The following KRIT1 variants were observed in gnomAD, a reference collection of about 807,000 sequenced individuals.
KRIT1 encodes the protein KRIT1 ankyrin repeat containing.
KRIT1 carries 45 observed loss-of-function variants against 95.8 expected under a neutral mutation model. The ratio of observed to expected loss-of-function variants is 0.47; its 90% confidence interval spans 0.37 to 0.60. KRIT1 has a LOEUF of 0.60. Ranked by LOEUF, KRIT1 falls within the 20% of genes least tolerant of loss-of-function variation. The pLI is 0.00. For synonymous variants in KRIT1, 282 were observed against 278.8 expected (o/e 1.01, Z -0.11); for missense variants, 788 against 877.5 (o/e 0.90, Z 1.29).
intron 3 of KRIT1, among the ~76,000 whole-genome samples, chr7:92,243,314 A>T (rs781413098): frequency 6.6e-6 from 1 of 152,164 alleles, no homozygotes; most frequent in Non-Finnish European, 1.5e-5. Context: ...ACTAAAGTGC[A>T]TCTTTCTGTA....
rs1276453120 is a variant in KRIT1, at chr7:92,199,581, T to C, written c.*1155A>G. 1.3e-5 allele frequency: 2 copies of C among 152,178 alleles called. No individual in the cohort carries two copies. Among genetic ancestry groups the C allele is most frequent in the Admixed American group, 6.5e-5 (1 of 15,282 alleles). The allele number at this position is 152,178 out of a possible 1,614,324, so 9.4% of individuals were successfully genotyped here. A position where few individuals can be genotyped will look rare whatever the true frequency, so the allele number is the denominator to read the frequency against. ...AGCAAAGTCAATATACATAAACTAT[T>C]AAGTCAACTCATAAAAAATACAGCA... On this transcript the variant is annotated 3_prime_UTR_variant, in exon 19 of 19. Transcript: ENST00000394505.
At chr7:92,226,058 A>C (rs2131515602) in intron 11 of KRIT1, among the ~76,000 whole-genome samples, 1 of 152,356 alleles carries the variant, frequency 6.6e-6, no homozygotes, top group Middle Eastern at 3.4e-3. Flanking sequence ...GTTCTGATAC[A>C]GACATAATAA....
At chr7:92,236,384 T>C in intron 7 of KRIT1, 29 bp downstream of exon 7, 1 of 1,506,298 alleles carries the variant, frequency 6.6e-7, no homozygotes, top group Non-Finnish European at 9.2e-7. Context: ...TTTGATTAAT[T>C]AAAAGATACT....
At chr7:92,217,911 A>C (rs1746280857) in intron 14 of KRIT1, among the ~76,000 whole-genome samples, 1 of 152,134 alleles carries the variant, frequency 6.6e-6, no homozygotes, top group Non-Finnish European at 1.5e-5. Flanking sequence ...CATTTTTACC[A>C]GCTCATTATT....
intron 17 of KRIT1, among the ~76,000 whole-genome samples, chr7:92,204,757 G>C (rs1322613746): frequency 2.6e-5 from 4 of 152,098 alleles, no homozygotes; most frequent in Admixed American, 2.0e-4. Flanking sequence ...TACAGATGAA[G>C]CTTTGCTTGC....
intron 14 of KRIT1, among the ~76,000 whole-genome samples, chr7:92,219,681 T>C (rs576953577): frequency 3.9e-4 from 59 of 152,362 alleles, no homozygotes; most frequent in Non-Finnish European, 6.2e-4. Context: ...AAAAAAGCTA[T>C]TGGAATACTG....
At chr7:92,237,625 T>A in intron 6 of KRIT1, 42 bp downstream of exon 6, 1 of 1,156,246 alleles carries the variant, frequency 8.6e-7, no homozygotes, top group Non-Finnish European at 1.3e-6. Context: ...TTACTTAGCA[T>A]CTAAAGTATA....
chr7:92,228,847 C>T lies in KRIT1; in HGVS notation c.990-2165G>A, dbSNP rs887373893. On this transcript the variant is annotated intron_variant, in intron 10 of 18. Transcript: ENST00000394505. ...TATAAGTGGGAACACGTGGCATTTT[C>T]TGTTCCTGCATTAGTTTGCTAAAAA... Among the ~76,000 whole-genome samples, 13 of 152,284 alleles carry T rather than the reference C, an allele frequency of 8.5e-5. No homozygotes were observed. The South Asian group carries it at 1.2e-3, about 15-fold the overall frequency.
chr7:92,202,915 CAG>C (rs1273301880), intron 17 of KRIT1, among the ~76,000 whole-genome samples: 3 of 152,130 alleles, frequency 2.0e-5, no homozygotes, highest in Non-Finnish European at 2.9e-5. Flanking sequence ...ACAGACTGAA[CAG>C]AGTCAAGATA....
Position 92,200,593 on chromosome 7 carries a change from C to G in KRIT1, c.*143G>C. On this transcript the variant is annotated 3_prime_UTR_variant, in exon 19 of 19. Coordinates refer to ENST00000394505, the MANE Select transcript of KRIT1 (RefSeq NM_194454.3). ...GTCTTGAACTCTGACTTCAGGTGAT[C>G]CGCCTGCCCCAGCCTCCCAAAGTGC... The G allele has an allele frequency of 2.9e-6, 2 of 680,068 alleles. No individual in the cohort carries two copies. Among genetic ancestry groups the G allele is most frequent in the Non-Finnish European group, 2.7e-6 (1 of 369,076 alleles). The allele number at this position is 680,068 out of a possible 1,614,324, so 42.1% of individuals were successfully genotyped here.
Position 92,213,928 on chromosome 7 carries a change from T to G in KRIT1, c.1782A>C (p.Ala594=). 6.2e-7 allele frequency: 1 copy of G among 1,610,794 alleles called. No homozygotes were observed. Among genetic ancestry groups the G allele is most frequent in the Middle Eastern group, 1.7e-4 (1 of 6,054 alleles). The change falls in exon 16 of 19, where the codon GCA becomes GCC. Residue 594 remains alanine (A), a synonymous_variant. Transcript: ENST00000394505. ...IVPVTKLKSK[A]PHWTNRILHE... is the part of the protein sequence containing the mutation. ...GAAGTATGCGATTTGTCCAGTGAGG[T>G]GCCTTACTTTTCAGTTTGGTAACAG...
intron 15 of KRIT1, among the ~76,000 whole-genome samples, chr7:92,214,223 C>A (rs780096951): frequency 6.6e-5 from 10 of 152,040 alleles, no homozygotes; most frequent in Non-Finnish European, 1.5e-5. Flanking sequence ...ACCACAATAA[C>A]CAAATTCAGA....
In KRIT1 at chr7:92,236,444, G is replaced by C. The variant is rs770998275; in HGVS notation, c.454C>G (p.Leu152Val). 1 of 1,605,358 alleles carries C rather than the reference G, an allele frequency of 6.2e-7. No individual in the cohort carries two copies. Among genetic ancestry groups the C allele is most frequent in the Non-Finnish European group, 8.5e-7 (1 of 1,172,376 alleles). ...CSESSTHFAT[L>V]TARMLIALDK... is the part of the protein sequence containing the mutation. Reference sequence around the variant, plus strand: ...AAGGCTATTAACATCCTTGCTGTAAGTGTAGCAAAATGAGTACTGGATTCA... The same window carrying C: ...AAGGCTATTAACATCCTTGCTGTAACTGTAGCAAAATGAGTACTGGATTCA... Residue 152 changes from leucine (L) to valine (V), a missense_variant, in exon 7 of 19, where the codon CTT (leucine) becomes GTT (valine). This residue lies in a region of KRIT1 where 289 missense variants were observed against 277.5 expected (regional missense o/e 1.04). Coordinates refer to ENST00000394505, the MANE Select transcript of KRIT1 (RefSeq NM_194454.3).
chr7:92,221,871 A>G, intron 14 of KRIT1, 31 bp downstream of exon 14: 1 of 1,595,568 alleles, frequency 6.3e-7, no homozygotes, highest in South Asian at 1.1e-5. Context: ...TTGTGCATTT[A>G]AATAACTGTA....
At chr7:92,218,658 A>G (rs922418039) in intron 14 of KRIT1, among the ~76,000 whole-genome samples, 2 of 151,952 alleles carry the variant, frequency 1.3e-5, no homozygotes, top group African/African-American at 4.8e-5. Context: ...GAGATTACAG[A>G]TACTGCACCG....
At chr7:92,208,155 T>C (rs1791977641) in intron 17 of KRIT1, among the ~76,000 whole-genome samples, 2 of 151,966 alleles carry the variant, frequency 1.3e-5, no homozygotes, top group Non-Finnish European at 2.9e-5. Context: ...ATTTCTCAAA[T>C]GCAATGAAAA....
At position 92,235,593 on chromosome 7, in the gene KRIT1, G is replaced by T; in HGVS notation, c.539C>A (p.Pro180His). Reference sequence around the variant, plus strand: ...AGTTTTTATCCGCTCAAGAGGAGAAGGTCGGAATAAAGCTGGAATAAAGTG... The same window carrying T: ...AGTTTTTATCCGCTCAAGAGGAGAATGTCGGAATAAAGCTGGAATAAAGTG... ...QSHFIPALFR[P>H]SPLERIKTNV... The change falls in exon 8 of 19, where the codon CCT (proline) becomes CAT (histidine). Residue 180 changes from proline (P) to histidine (H), a missense_variant. This residue lies in a region of KRIT1 where 289 missense variants were observed against 277.5 expected (regional missense o/e 1.04). Coordinates refer to ENST00000394505, the MANE Select transcript of KRIT1 (RefSeq NM_194454.3). The T allele has an allele frequency of 1.9e-6, 3 of 1,613,810 alleles. No homozygotes were observed. Among genetic ancestry groups the T allele is most frequent in the Non-Finnish European group, 2.5e-6 (3 of 1,179,830 alleles).
intron 14 of KRIT1, among the ~76,000 whole-genome samples, chr7:92,216,271 T>G (rs1793973770): frequency 6.7e-6 from 1 of 148,630 alleles, no homozygotes; most frequent in Admixed American, 6.7e-5. Context: ...ACTGAAATAA[T>G]ACTATTTTTC....
intron 13 of KRIT1, 22 bp from the exon 14 acceptor site, chr7:92,222,075 A>G: frequency 6.3e-7 from 1 of 1,597,104 alleles, no homozygotes; most frequent in Non-Finnish European, 8.6e-7. Context: ...CATTCCTTTT[A>G]TAAATGATAA....
Sources: allele counts gnomAD v4.1 joint callset (sites outside exome capture counted in the v4.1 genomes callset), GRCh38; gene constraint gnomAD v4.1.1; regional missense constraint gnomAD v4.1.1; transcripts MANE v1.5; gene names NCBI Gene and HGNC (gene_info 2026-07-23, HGNC 2026-07-21).